PHF14: variants seen among roughly 807,000 people sequenced by gnomAD.
PHF14 encodes the protein PHD finger protein 14.
A neutral mutation model predicts 117.9 loss-of-function variants in PHF14; 55 were observed. That is an observed-to-expected ratio of 0.47 (90% CI 0.38 to 0.58). The LOEUF (loss-of-function observed/expected upper bound fraction) is 0.58, where lower values mean the gene tolerates loss of function less well. Ranked by LOEUF, PHF14 falls within the 20% of genes least tolerant of loss-of-function variation. PHF14 has a pLI of 0.00. For missense variants in PHF14, 978 were observed against 1,122.2 expected, an observed-to-expected ratio of 0.87 and a Z score of 1.84; for synonymous variants, 409 against 368.6, an observed-to-expected ratio of 1.11 and a Z score of -1.26.
intron 5 of PHF14, among the ~76,000 whole-genome samples, chr7:11,017,719 A>C (rs1783580782): frequency 6.6e-6 from 1 of 151,732 alleles, no homozygotes; most frequent in Non-Finnish European, 1.5e-5. Flanking sequence ...CTTCAGTTTG[A>C]TGATGTATTC....
chr7:11,104,584 G>T, intron 16 of PHF14: 1 of 983,934 alleles, frequency 1.0e-6, no homozygotes, highest in East Asian at 1.1e-4. Context: ...GGGAAAGGAA[G>T]AAACATGAAA....
intron 16 of PHF14, chr7:11,102,706 G>T: frequency 3.6e-6 from 5 of 1,397,932 alleles, no homozygotes; most frequent in Non-Finnish European, 3.7e-6. Context: ...TTTGTTACTT[G>T]GACTAACAAG....
At chr7:11,097,645 A>T (rs1786928276) in intron 16 of PHF14, among the ~76,000 whole-genome samples, 1 of 152,200 alleles carries the variant, frequency 6.6e-6, no homozygotes, top group South Asian at 2.1e-4. Flanking sequence ...CCCTTACCAC[A>T]GTTAATGCTA....
intron 4 of PHF14, among the ~76,000 whole-genome samples, chr7:11,004,246 CAAAAAAAAAAAAA>C (rs55917513): frequency 3.9e-5 from 2 of 51,264 alleles, no homozygotes; most frequent in African/African-American, 1.4e-4. Flanking sequence ...GACTTTGTCT[CAAAAAAAAAAAAA>C]AAAAAAAAAA....
chr7:11,059,538 G>A (rs1355731177), intron 14 of PHF14, among the ~76,000 whole-genome samples: 1 of 152,184 alleles, frequency 6.6e-6, no homozygotes, highest in Non-Finnish European at 1.5e-5. Flanking sequence ...TACTTTGGGA[G>A]GCCAAGGCAG....
chr7:11,100,815 T>C (rs1283128466), intron 16 of PHF14, among the ~76,000 whole-genome samples: 1 of 151,984 alleles, frequency 6.6e-6, no homozygotes, highest in East Asian at 1.9e-4. Flanking sequence ...AACCATACAG[T>C]TCATGCACTA....
intron 14 of PHF14, among the ~76,000 whole-genome samples, chr7:11,056,979 AT>A (rs904388452): frequency 3.3e-5 from 5 of 152,008 alleles, no homozygotes; most frequent in Non-Finnish European, 5.9e-5. Context: ...TGATTTTGGA[AT>A]TTTGCCCATG....
chr7:11,058,989 A>T (rs1785112928), intron 14 of PHF14, among the ~76,000 whole-genome samples: 1 of 152,120 alleles, frequency 6.6e-6, no homozygotes, highest in Non-Finnish European at 1.5e-5. Context: ...ATTTTAAATT[A>T]TTACATGAAT....
At chr7:11,123,283 T>TTA (rs1787827190) in intron 17 of PHF14, among the ~76,000 whole-genome samples, 2 of 152,188 alleles carry the variant, frequency 1.3e-5, no homozygotes, top group Admixed American at 1.3e-4. Context: ...TTTTGTCTAG[T>TTA]GATTAAGACA....
At chr7:11,161,858 G>T (rs1263601253) in intron 17 of PHF14, among the ~76,000 whole-genome samples, 2 of 150,172 alleles carry the variant, frequency 1.3e-5, no homozygotes, top group Middle Eastern at 3.2e-3. Flanking sequence ...AGTTACCAAT[G>T]TAGGAGCCTC....
intron 17 of PHF14, among the ~76,000 whole-genome samples, chr7:11,138,945 T>C (rs1248067548): frequency 6.6e-6 from 1 of 152,186 alleles, no homozygotes; most frequent in Non-Finnish European, 1.5e-5. Context: ...AAGATGATAT[T>C]TCTAAAACAA....
intron 6 of PHF14, 30 bp downstream of exon 6, chr7:11,023,009 A>G (rs779662963): frequency 8.7e-6 from 11 of 1,268,962 alleles, no homozygotes; most frequent in Non-Finnish European, 1.2e-5. Context: ...TGATTGCTTG[A>G]AAGAGAAAGG....
chr7:11,105,914 ATTAG>A (rs1329976741), intron 16 of PHF14: 1 of 984,238 alleles, frequency 1.0e-6, no homozygotes, highest in Non-Finnish European at 1.2e-6. Context: ...TTAGAGCATA[ATTAG>A]TTAATTATGA....
intron 13 of PHF14, among the ~76,000 whole-genome samples, chr7:11,045,410 CG>C (rs1223287133): frequency 6.6e-5 from 10 of 152,162 alleles, no homozygotes; most frequent in African/African-American, 2.4e-4. Flanking sequence ...TCTGAATGGC[CG>C]GTTTATTTTT....
chr7:11,124,993 G>GGGAAGATGAATGT (rs1183725575), intron 17 of PHF14, among the ~76,000 whole-genome samples: 4 of 152,078 alleles, frequency 2.6e-5, no homozygotes, highest in African/African-American at 7.2e-5. Flanking sequence ...GGTATGGTGT[G>GGGAAGATGAATGT]GGAAGATGAA....
chr7:10,975,060 T>G (rs1781813601), intron 2 of PHF14, 115 bp downstream of exon 2: 1 of 671,074 alleles, frequency 1.5e-6, no homozygotes, highest in African/African-American at 1.8e-5. Flanking sequence ...CACGTAAACT[T>G]CATTTATTTT....
At chr7:11,105,458 AT>A (rs1737978056) in intron 16 of PHF14, 1 of 972,420 alleles carries the variant, frequency 1.0e-6, no homozygotes. Context: ...TTTCATGACT[AT>A]TTCACCAAAA....
intron 16 of PHF14, chr7:11,107,424 A>G (rs552891217): frequency 3.4e-5 from 28 of 827,278 alleles, no homozygotes; most frequent in South Asian, 1.1e-4. Context: ...ATTTACATCT[A>G]TATCTGTTAT....
At chr7:11,106,096 TTATTGTGTA>T in intron 16 of PHF14, 1 of 984,012 alleles carries the variant, frequency 1.0e-6, no homozygotes, top group East Asian at 1.1e-4. Context: ...TTGCTTGACC[TTATTGTGTA>T]TTTTTATATG....
Sources: allele counts gnomAD v4.1 joint callset (sites outside exome capture counted in the v4.1 genomes callset), GRCh38; gene constraint gnomAD v4.1.1; transcripts MANE v1.5; gene names NCBI Gene and HGNC (gene_info 2026-07-23, HGNC 2026-07-21).